LTBP1: variants seen among roughly 807,000 people sequenced by gnomAD.
LTBP1 encodes the protein latent transforming growth factor beta binding protein 1.
LTBP1 carries 129 observed loss-of-function variants against 207.6 expected under a neutral mutation model. The ratio of observed to expected loss-of-function variants is 0.62; its 90% CI spans 0.54 to 0.72. LTBP1 has a LOEUF of 0.72. LTBP1 is among the 30% of genes least tolerant of loss of function. The pLI is 0.00. For missense variants in LTBP1, 2,281 were observed against 2,217.2 expected (o/e 1.03, Z -0.58); for synonymous variants, 963 against 833.7 (o/e 1.16, Z -2.67).
intron 7 of LTBP1, among the ~76,000 whole-genome samples, chr2:33,194,829 C>T (rs571217364): frequency 6.6e-6 from 1 of 152,344 alleles, no homozygotes; most frequent in Non-Finnish European, 1.5e-5. Flanking sequence ...CATTGCTTGG[C>T]TTCAGAGGAC....
At chr2:33,243,847 A>T in intron 10 of LTBP1, 63 bp downstream of exon 10, 1 of 1,589,418 alleles carries the variant, frequency 6.3e-7, no homozygotes, top group Non-Finnish European at 8.6e-7. Flanking sequence ...TTTCCAAAAG[A>T]ACGGAAATAC....
At chr2:33,217,122 ATCT>A (rs1258353966) in intron 7 of LTBP1, among the ~76,000 whole-genome samples, 1 of 152,204 alleles carries the variant, frequency 6.6e-6, no homozygotes, top group African/African-American at 2.4e-5. Context: ...GACCTGTGCC[ATCT>A]TCTCACATTT....
At position 33,388,807 on chromosome 2, in the gene LTBP1, C is replaced by G. The variant is rs145612194; in HGVS notation, c.4712-377C>G. 2.6e-5 allele frequency among the ~76,000 whole-genome samples: 4 copies of G among 152,246 alleles called. No individual in the cohort carries two copies. The East Asian group carries it at 7.7e-4, about 29-fold the overall frequency. On this transcript the variant is annotated intron_variant, in intron 31 of 33. Transcript: ENST00000404816. ...ACCTCTCTGTCAGAATGACTACTTT[C>G]TACTTTAAAAATGTTTTTGATGATA...
At chr2:33,323,046 C>T (rs975844233) in intron 24 of LTBP1, among the ~76,000 whole-genome samples, 2 of 152,170 alleles carry the variant, frequency 1.3e-5, no homozygotes, top group Admixed American at 1.3e-4. Flanking sequence ...ACAGATGCTA[C>T]TCAATTTATG....
chr2:33,350,003 T>C (rs151095907), intron 26 of LTBP1, among the ~76,000 whole-genome samples: 274 of 152,304 alleles, frequency 1.8e-3, no homozygotes, highest in Middle Eastern at 0.017. Context: ...AAAACATCAG[T>C]TAACACAAGT....
At chr2:33,073,407 A>G (rs1486329288) in intron 3 of LTBP1, among the ~76,000 whole-genome samples, 1 of 152,092 alleles carries the variant, frequency 6.6e-6, no homozygotes, top group Non-Finnish European at 1.5e-5. Flanking sequence ...TGCACTTTCA[A>G]TATTGTATTT....
intron 2 of LTBP1, among the ~76,000 whole-genome samples, chr2:33,009,580 A>G (rs1422287309): frequency 6.6e-6 from 1 of 152,228 alleles, no homozygotes; most frequent in Non-Finnish European, 1.5e-5. Flanking sequence ...GGCTACCAGA[A>G]TCTAGGAGAG....
At chr2:33,374,993 C>T (rs2095119083) in intron 31 of LTBP1, among the ~76,000 whole-genome samples, 1 of 152,152 alleles carries the variant, frequency 6.6e-6, no homozygotes, top group Non-Finnish European at 1.5e-5. Flanking sequence ...ATTTAGAAAG[C>T]TTTCTCTCAC....
rs2087248926 is a variant in LTBP1, at chr2:33,186,766, G to A, written c.1202-90G>A. 1.7e-5 allele frequency: 16 copies of A among 933,330 alleles called. No individual in the cohort carries two copies. The East Asian group carries it at 3.8e-4, about 22-fold the overall frequency. 57.8% of individuals were successfully genotyped at this position (933,330 alleles called of 1,614,324 possible). Reference sequence around the variant, plus strand: ...TCATGGGACTCTGATGCCTATAATGGGCTGTATGTTTTGCAGGTTTTGTTG... The same window carrying A: ...TCATGGGACTCTGATGCCTATAATGAGCTGTATGTTTTGCAGGTTTTGTTG... On this transcript the variant is annotated intron_variant, in intron 5 of 33. Coordinates refer to ENST00000404816, the MANE Select transcript of LTBP1 (RefSeq NM_206943.4).
chr2:33,090,006 T>A (rs1394039583), intron 3 of LTBP1, among the ~76,000 whole-genome samples: 1 of 152,240 alleles, frequency 6.6e-6, no homozygotes, highest in Non-Finnish European at 1.5e-5. Flanking sequence ...CTGATATTTA[T>A]TGAAATGAAA....
chr2:33,083,445 G>A (rs867824517), intron 3 of LTBP1, among the ~76,000 whole-genome samples: 11 of 152,130 alleles, frequency 7.2e-5, no homozygotes, highest in South Asian at 2.1e-4. Context: ...AAGGTAACAG[G>A]AAGCCTTGAG....
intron 3 of LTBP1, among the ~76,000 whole-genome samples, chr2:33,086,577 G>A (rs1439373066): frequency 6.6e-6 from 1 of 152,170 alleles, no homozygotes; most frequent in Non-Finnish European, 1.5e-5. Context: ...CTAGTGTGTC[G>A]TGTTCTCATT....
intron 5 of LTBP1, among the ~76,000 whole-genome samples, chr2:33,173,904 C>T (rs1238929015): frequency 1.4e-5 from 2 of 145,630 alleles, no homozygotes; most frequent in Non-Finnish European, 3.1e-5. Context: ...AAGACAAAAA[C>T]CACATGATTA....
At chr2:33,011,996 C>A (rs900861212) in intron 2 of LTBP1, among the ~76,000 whole-genome samples, 1 of 151,988 alleles carries the variant, frequency 6.6e-6, no homozygotes, top group Admixed American at 6.6e-5. Flanking sequence ...AACTCCCTGA[C>A]CCCCACTGTG....
intron 7 of LTBP1, among the ~76,000 whole-genome samples, chr2:33,213,245 GC>G (rs1226983331): frequency 6.6e-6 from 1 of 152,084 alleles, no homozygotes; most frequent in Admixed American, 6.5e-5. Flanking sequence ...ATTTGATTTA[GC>G]TAAATATTGG....
At chr2:33,167,000 G>A (rs1384315674) in intron 5 of LTBP1, among the ~76,000 whole-genome samples, 2 of 151,968 alleles carry the variant, frequency 1.3e-5, no homozygotes, top group Non-Finnish European at 2.9e-5. Context: ...ATGGTGTGCC[G>A]AATACTCCTG....
chr2:33,010,871 C>T (rs1410577107), intron 2 of LTBP1, among the ~76,000 whole-genome samples: 1 of 151,856 alleles, frequency 6.6e-6, no homozygotes, highest in African/African-American at 2.4e-5. Flanking sequence ...AAGTGCGTGC[C>T]ACCACACCCA....
chr2:33,329,669 A>AT (rs1008615435), intron 24 of LTBP1, among the ~76,000 whole-genome samples: 1 of 151,786 alleles, frequency 6.6e-6, no homozygotes, highest in African/African-American at 2.4e-5. Context: ...ACTAATATGA[A>AT]TTTTTTTTAT....
At chr2:33,336,944 G>GTAAT (rs2094560155) in intron 24 of LTBP1, among the ~76,000 whole-genome samples, 1 of 152,156 alleles carries the variant, frequency 6.6e-6, no homozygotes, top group Non-Finnish European at 1.5e-5. Flanking sequence ...TTTTCTGCAT[G>GTAAT]TAATACAAGA....
Sources: allele counts gnomAD v4.1 joint callset (sites outside exome capture counted in the v4.1 genomes callset), GRCh38; gene constraint gnomAD v4.1.1; transcripts MANE v1.5; gene names NCBI Gene and HGNC (gene_info 2026-07-23, HGNC 2026-07-21).